MZT2A: variants seen among roughly 807,000 people sequenced by gnomAD.
MZT2A encodes mitotic-spindle organizing protein 2A.
MZT2A carries 8 observed loss-of-function variants against 12.4 expected under a neutral mutation model. The ratio of observed to expected loss-of-function variants is 0.64; its 90% CI spans 0.38 to 1.16. The LOEUF (loss-of-function observed/expected upper bound fraction) is 1.16. Among genes scored for constraint, MZT2A ranks in the 50% most tolerant of loss-of-function variants. The pLI is 0.01. For missense variants in MZT2A, 181 were observed against 223.6 expected (o/e 0.81, Z 1.22); for synonymous variants, 88 against 107.5 (o/e 0.82, Z 1.12).
upstream of MZT2A, chr2:131,493,159 G>C (rs1679420379): frequency 2.0e-5 from 29 of 1,436,342 alleles, no homozygotes; most frequent in Non-Finnish European, 2.6e-5. Context: ...CGCGGGACGC[G>C]CGCGTGAGAC....
At chr2:131,493,271 G>A (rs1360060948), upstream of MZT2A, 3 of 1,333,478 alleles carry the variant, frequency 2.2e-6, no homozygotes, top group Non-Finnish European at 2.9e-6. Context: ...CCCAGGCCGG[G>A]CAGGCTGGGG....
At chr2:131,475,000 G>A (rs1214287958) in intron 2 of MZT2A, among the ~76,000 whole-genome samples, 2 of 152,026 alleles carry the variant, frequency 1.3e-5, no homozygotes, top group Non-Finnish European at 2.9e-5. Flanking sequence ...TCGCTCTGTC[G>A]CCCAGGCTTG....
exon 3 of MZT2A, chr2:131,472,157 C>T (rs1224444906): frequency 7.8e-7 from 1 of 1,289,230 alleles, no homozygotes; most frequent in Non-Finnish European, 1.0e-6. Context: ...TGAGGCGCCG[C>T]CTTGTCCTCA....
upstream of MZT2A, chr2:131,492,807 C>T (rs918676624): frequency 4.2e-6 from 6 of 1,425,228 alleles, no homozygotes; most frequent in Admixed American, 1.3e-4. Context: ...CACTAATCAA[C>T]AACCCTGCTT....
chr2:131,491,554 C>G (rs1414849140), intron 2 of MZT2A: 2 of 497,392 alleles, frequency 4.0e-6, no homozygotes, highest in Non-Finnish European at 7.1e-6. Context: ...GCCACGGCGC[C>G]CAGCCCCAAA....
intron 2 of MZT2A, chr2:131,490,548 A>G (rs752595314): frequency 4.8e-5 from 72 of 1,489,134 alleles, no homozygotes; most frequent in Non-Finnish European, 5.6e-5. Context: ...CATGTCTCTA[A>G]TAAACCGAGT....
chr2:131,492,496 G>A (rs980223822), upstream of MZT2A: 14 of 1,131,860 alleles, frequency 1.2e-5, 1 homozygote, highest in African/African-American at 9.8e-5. Context: ...GGAGCGGCGG[G>A]AGCGCGGGGA....
At chr2:131,492,788 GGT>G (rs1415839721), upstream of MZT2A, 165 of 1,351,586 alleles carry the variant, frequency 1.2e-4, no homozygotes, top group African/African-American at 2.2e-3. Flanking sequence ...CTTCGGGGGG[GGT>G]GGGGGGCACT....
rs1372053409 is a variant in MZT2A, at chr2:131,484,607, G to A, written c.320-389C>T. The stretch of plus-strand genomic sequence containing the variant: ...CATCAGCGGCAGCAGCAGCAGCAGG[G>A]ACGCGCTGCCTCATCCTCAAGGTGT... On this transcript the variant is annotated intron_variant, in intron 2 of 2. Coordinates refer to ENST00000309451, the MANE Select transcript of MZT2A (RefSeq NM_001085365.2). Among the ~76,000 whole-genome samples, 20 of 152,294 alleles carry A rather than the reference G, an allele frequency of 1.3e-4. 1 individual carries two copies. The highest frequency in any genetic ancestry group is 3.9e-4 in the African/African-American group (16 of 41,550).
intron 1 of MZT2A, 74 bp downstream of exon 1, chr2:131,492,133 G>T: frequency 6.5e-7 from 1 of 1,541,036 alleles, no homozygotes; most frequent in Non-Finnish European, 8.7e-7. Context: ...CTCCCGACCA[G>T]CGGGCCGGGC....
downstream of MZT2A, chr2:131,479,326 C>A: frequency 1.2e-6 from 2 of 1,614,012 alleles, no homozygotes; most frequent in Non-Finnish European, 8.5e-7. Flanking sequence ...CGCACAGGGA[C>A]CTACAGGCAG....
chr2:131,485,298 C>A (rs1679011466), intron 2 of MZT2A, among the ~76,000 whole-genome samples: 1 of 152,212 alleles, frequency 6.6e-6, no homozygotes. Flanking sequence ...CCCCTGCAGG[C>A]TCAAACCCTG....
downstream of MZT2A, chr2:131,479,296 T>C: frequency 6.2e-7 from 1 of 1,613,214 alleles, no homozygotes; most frequent in South Asian, 1.1e-5. Flanking sequence ...GCACACACTG[T>C]CTCTTTTGCA....
downstream of MZT2A, among the ~76,000 whole-genome samples, chr2:131,483,166 G>A (rs1407621142): frequency 1.3e-5 from 2 of 152,166 alleles, no homozygotes; most frequent in African/African-American, 4.8e-5. Flanking sequence ...AGCAGAGTCA[G>A]GGTTTTCAAC....
upstream of MZT2A, chr2:131,493,061 C>G (rs1573881789): frequency 2.1e-5 from 31 of 1,490,926 alleles, no homozygotes; most frequent in South Asian, 3.6e-4. Context: ...GCTCTGCGCG[C>G]AGCTTGATGA....
chr2:131,492,740 A>G, upstream of MZT2A: 6 of 916,244 alleles, frequency 6.5e-6, no homozygotes, highest in Non-Finnish European at 8.6e-6. Flanking sequence ...AAAGCGTGCA[A>G]TTTTCTGGTC....
chr2:131,484,699 A>G (rs533712599), intron 2 of MZT2A, among the ~76,000 whole-genome samples: 11 of 152,350 alleles, frequency 7.2e-5, no homozygotes, highest in Non-Finnish European at 1.2e-4. Flanking sequence ...GCAGTCACCA[A>G]GTCCTGGAAT....
downstream of MZT2A, chr2:131,479,524 G>C (rs184933960): frequency 2.3e-4 from 374 of 1,592,332 alleles, 6 homozygotes; most frequent in East Asian, 5.1e-3. Flanking sequence ...ATGTGAAAGG[G>C]AAGTCATTTT....
At chr2:131,472,190 A>T (rs1046244231) in intron 2 of MZT2A, 1 of 1,284,560 alleles carries the variant, frequency 7.8e-7, no homozygotes, top group Non-Finnish European at 1.0e-6. Flanking sequence ...AGCCTGTTTG[A>T]ATATGAGCAA....
Sources: gnomAD v4.1 joint callset for allele counts (sites outside exome capture counted in the v4.1 genomes callset) on GRCh38, gnomAD v4.1.1 for gene constraint, MANE v1.5 for transcripts, NCBI Gene and HGNC (gene_info 2026-07-23, HGNC 2026-07-21) for gene names.